The following CLYBL variants were observed in gnomAD, a reference collection of about 807,000 sequenced individuals.
The protein encoded by CLYBL is citramalyl-CoA lyase, also known as citramalyl-CoA lyase, mitochondrial.
CLYBL carries 31 observed loss-of-function variants against 38.9 expected under a neutral mutation model. That is an observed-to-expected ratio of 0.80 (90% confidence interval 0.60 to 1.08). CLYBL has a LOEUF of 1.08. Ranked by LOEUF, CLYBL falls within the 50% of genes least tolerant of loss-of-function variation. The pLI, the probability that CLYBL is intolerant of heterozygous loss-of-function variation, is 0.00. For synonymous variants in CLYBL, 171 were observed against 158.6 expected (o/e 1.08, Z -0.59); for missense variants, 434 against 411.6 (o/e 1.05, Z -0.47).
At chr13:99,761,791 G>A (rs776650162) in intron 1 of CLYBL, among the ~76,000 whole-genome samples, 8 of 152,160 alleles carry the variant, frequency 5.3e-5, no homozygotes, top group Non-Finnish European at 8.8e-5. Context: ...CATCAACAGT[G>A]TACAAGGGTT....
chr13:99,719,106 C>A (rs1288473234), intron 1 of CLYBL, among the ~76,000 whole-genome samples: 1 of 151,738 alleles, frequency 6.6e-6, no homozygotes, highest in East Asian at 1.9e-4. Flanking sequence ...GCCTGTTTGG[C>A]CTCCCAAAGT....
intron 2 of CLYBL, among the ~76,000 whole-genome samples, chr13:99,842,118 G>A (rs992065216): frequency 3.2e-4 from 49 of 152,146 alleles, no homozygotes; most frequent in African/African-American, 1.0e-3. Context: ...GTGCCCAGCT[G>A]GAACACCTAT....
At chr13:99,768,850 G>A (rs1243658746) in intron 1 of CLYBL, among the ~76,000 whole-genome samples, 2 of 151,984 alleles carry the variant, frequency 1.3e-5, no homozygotes, top group African/African-American at 4.8e-5. Context: ...GGGCATCCAT[G>A]GTCATTTCTA....
chr13:99,615,840 GTTGT>G (rs1487597300), intron 1 of CLYBL, among the ~76,000 whole-genome samples: 4 of 151,640 alleles, frequency 2.6e-5, no homozygotes, highest in Non-Finnish European at 5.9e-5. Context: ...ATTTTTTGTT[GTTGT>G]TTATTTTGAA....
At chr13:99,843,975 T>C (rs2051142032) in intron 2 of CLYBL, among the ~76,000 whole-genome samples, 2 of 152,204 alleles carry the variant, frequency 1.3e-5, no homozygotes, top group Admixed American at 1.3e-4. Context: ...TTACAAATGA[T>C]TGTGCGGATC....
chr13:99,748,615 A>G (rs2048900113), intron 1 of CLYBL, among the ~76,000 whole-genome samples: 2 of 150,494 alleles, frequency 1.3e-5, no homozygotes, highest in South Asian at 4.2e-4. Context: ...AACTTTTTGT[A>G]TTTTTAGTAG....
chr13:99,691,566 C>G (rs2047902894), intron 1 of CLYBL, among the ~76,000 whole-genome samples: 1 of 151,760 alleles, frequency 6.6e-6, no homozygotes, highest in East Asian at 1.9e-4. Flanking sequence ...GAAATTGCCA[C>G]TGTGTGACCC....
In CLYBL at chr13:99,670,687, C is replaced by T. The variant is rs77295849; in HGVS notation, c.62+63930C>T. On this transcript the variant is annotated intron_variant, in intron 1 of 8. Transcript: ENST00000339105. ...CAAAACAACAGCAACAACAAAAATA[C>T]GATTTAACTGCAAAATTGACCCCCT... Among the ~76,000 whole-genome samples, 319 of 152,278 alleles carry T rather than the reference C, an allele frequency of 2.1e-3. 1 individual carries two copies. The highest frequency in any genetic ancestry group is 3.6e-3 in the Non-Finnish European group (245 of 68,024).
chr13:99,851,367 C>CAA lies in CLYBL; in HGVS notation c.250-7472_250-7471dup, dbSNP rs35539387. 2.5e-3 allele frequency among the ~76,000 whole-genome samples: 157 copies of CAA among 62,740 alleles called. 1 individual carries two copies. Among genetic ancestry groups the CAA allele is most frequent in the East Asian group, 3.3e-3 (7 of 2,094 alleles). 41.2% of individuals were successfully genotyped at this position (62,740 alleles called of 152,430 possible). On this transcript the variant is annotated intron_variant, in intron 2 of 8. Transcript: ENST00000339105. ...GGGCAACAAGAGTGAAAGTCCACCT[C>CAA]AAAAAAAAAAAAAAAAAAAAAAAGG...
At chr13:99,650,606 T>C (rs2047239736) in intron 1 of CLYBL, among the ~76,000 whole-genome samples, 1 of 152,140 alleles carries the variant, frequency 6.6e-6, no homozygotes, top group South Asian at 2.1e-4. Context: ...GCACAGAGGC[T>C]GCTGGAGGGT....
At chr13:99,788,375 T>C (rs895803991) in intron 2 of CLYBL, among the ~76,000 whole-genome samples, 107 of 152,354 alleles carry the variant, frequency 7.0e-4, no homozygotes, top group African/African-American at 2.5e-3. Flanking sequence ...ATACATCCCA[T>C]CAATACCTAA....
intron 7 of CLYBL, among the ~76,000 whole-genome samples, chr13:99,872,884 A>C (rs1205047155): frequency 6.6e-6 from 1 of 152,202 alleles, no homozygotes; most frequent in Non-Finnish European, 1.5e-5. Flanking sequence ...TTCCCTGGGA[A>C]AACGCTCCCA....
intron 1 of CLYBL, among the ~76,000 whole-genome samples, chr13:99,621,742 A>G (rs2046800200): frequency 8.9e-6 from 1 of 111,892 alleles, no homozygotes; most frequent in Non-Finnish European, 1.8e-5. Context: ...TTAAAACATG[A>G]GATTTTTTGG....
At chr13:99,892,181 C>T (rs1428669690) in intron 8 of CLYBL, 1 of 152,158 alleles carries the variant, frequency 6.6e-6, no homozygotes, top group Non-Finnish European at 1.5e-5. Context: ...GAGGCTATTT[C>T]CCCCTGGAAA....
intron 2 of CLYBL, among the ~76,000 whole-genome samples, chr13:99,854,948 G>A (rs935319423): frequency 4.6e-5 from 7 of 152,250 alleles, no homozygotes; most frequent in East Asian, 1.9e-4. Context: ...ACGAAATATC[G>A]ATTGAATGCG....
At chr13:99,848,225 G>A (rs750267564) in intron 2 of CLYBL, among the ~76,000 whole-genome samples, 15 of 152,044 alleles carry the variant, frequency 9.9e-5, no homozygotes, top group Non-Finnish European at 1.9e-4. Context: ...AAGTCCCAAG[G>A]GCCCCAGGAT....
intron 1 of CLYBL, among the ~76,000 whole-genome samples, chr13:99,610,093 G>C (rs1188897922): frequency 2.6e-5 from 4 of 152,176 alleles, no homozygotes; most frequent in African/African-American, 9.7e-5. Flanking sequence ...TGAAGAGACA[G>C]AGTCTTGCAG....
At chr13:99,876,132 T>A (rs983822183) in intron 7 of CLYBL, among the ~76,000 whole-genome samples, 8 of 148,958 alleles carry the variant, frequency 5.4e-5, no homozygotes, top group African/African-American at 2.0e-4. Flanking sequence ...ATAAGAGTGT[T>A]TTTAATAGGC....
intron 2 of CLYBL, among the ~76,000 whole-genome samples, chr13:99,795,156 A>G (rs1480325245): frequency 6.6e-6 from 1 of 152,176 alleles, no homozygotes; most frequent in African/African-American, 2.4e-5. Context: ...CTCAAGACAC[A>G]GCCTGCCCTT....
Sources: gnomAD v4.1 joint callset for allele counts (sites outside exome capture counted in the v4.1 genomes callset) on GRCh38, gnomAD v4.1.1 for gene constraint, MANE v1.5 for transcripts, NCBI Gene and HGNC (gene_info 2026-07-23, HGNC 2026-07-21) for gene names.